SF3A3: variants seen among roughly 807,000 people sequenced by gnomAD.
The protein encoded by SF3A3 is SAP 61.
SF3A3 carries 9 observed loss-of-function variants against 85.8 expected under a neutral mutation model. The observed-to-expected ratio is 0.10, with a 90% CI of 0.06 to 0.18. The LOEUF (loss-of-function observed/expected upper bound fraction) is 0.18. Ranked by LOEUF, SF3A3 falls within the 10% of genes least tolerant of loss-of-function variation. The pLI is 1.00. For missense variants in SF3A3, 306 were observed against 593.3 expected, an observed-to-expected ratio of 0.52 and a Z score of 5.03; for synonymous variants, 195 against 204.4, an observed-to-expected ratio of 0.95 and a Z score of 0.39.
chr1:37,962,993 C>T (rs1646272593), intron 15 of SF3A3, among the ~76,000 whole-genome samples: 1 of 151,284 alleles, frequency 6.6e-6, no homozygotes, highest in Non-Finnish European at 1.5e-5. Context: ...GAGGCTGAGA[C>T]AGGAGAATCG....
chr1:37,989,802 C>G, intron 1 of SF3A3, 68 bp downstream of exon 1: 1 of 1,372,406 alleles, frequency 7.3e-7, no homozygotes, highest in South Asian at 1.2e-5. Flanking sequence ...CCAAAGCAAG[C>G]TCTCAGAGGT....
rs1484786480 is a variant in SF3A3, at chr1:37,989,981, G to C, written c.-16C>G. 1 of 1,596,050 alleles carries C rather than the reference G, an allele frequency of 6.3e-7. No individual in the cohort carries two copies. The highest frequency in any genetic ancestry group is 1.7e-5 in the Admixed American group (1 of 59,964). On this transcript the variant is annotated 5_prime_UTR_variant, in exon 1 of 17. Coordinates refer to ENST00000373019, the MANE Select transcript of SF3A3 (RefSeq NM_006802.4). Reference sequence around the variant, plus strand: ...TTGTCTCCATCTTCCCTTAGTCGCGGCTTCTCAATTCAGACCACCAACACG... The same window carrying C: ...TTGTCTCCATCTTCCCTTAGTCGCGCCTTCTCAATTCAGACCACCAACACG...
chr1:37,987,236 G>C (rs867142475), intron 4 of SF3A3, among the ~76,000 whole-genome samples: 1 of 152,132 alleles, frequency 6.6e-6, no homozygotes, highest in African/African-American at 2.4e-5. Flanking sequence ...ATGCCACCAT[G>C]CCTGGCTAAT....
At chr1:37,980,800 T>C in intron 7 of SF3A3, 76 bp from the exon 8 acceptor site, 7 of 1,113,262 alleles carry the variant, frequency 6.3e-6, no homozygotes, top group Non-Finnish European at 8.8e-6. Flanking sequence ...CTGCAGAATA[T>C]AAAGTACTTA....
intron 16 of SF3A3, among the ~76,000 whole-genome samples, chr1:37,959,371 A>C (rs1646241541): frequency 6.6e-6 from 1 of 151,678 alleles, no homozygotes; most frequent in South Asian, 2.1e-4. Context: ...GAACTGCTGC[A>C]CCTGGCCCAT....
chr1:37,970,502 C>A (rs1261826247), intron 12 of SF3A3, among the ~76,000 whole-genome samples: 1 of 152,060 alleles, frequency 6.6e-6, no homozygotes, highest in Non-Finnish European at 1.5e-5. Flanking sequence ...CTGCACCAAG[C>A]GGACCTAATA....
In SF3A3 at chr1:37,957,723, C is replaced by A. The variant is rs1415736187; in HGVS notation, c.*463G>T. The A allele has an allele frequency of 6.4e-6, 1 of 155,150 alleles. No individual in the cohort carries two copies. Among genetic ancestry groups the A allele is most frequent in the African/African-American group, 2.4e-5 (1 of 41,456 alleles). The allele number at this position is 155,150 out of a possible 1,614,324, so 9.6% of individuals were successfully genotyped here. A position where few individuals can be genotyped will look rare whatever the true frequency, so the allele number is the denominator to read the frequency against. ...CCCTGGCTCATCCTCCTAGTCTTTC[C>A]CTAGTATTTGCATCAATGGCTAACT... On this transcript the variant is annotated 3_prime_UTR_variant, in exon 17 of 17. Coordinates refer to ENST00000373019, the MANE Select transcript of SF3A3 (RefSeq NM_006802.4).
chr1:37,969,575 C>A lies in SF3A3; in HGVS notation c.1166G>T (p.Gly389Val). The change falls in exon 13 of 17, where the codon GGC becomes GTC. Residue 389 changes from glycine (G) to valine (V), a missense_variant. Around this residue, in one of 4 missense-constraint regions of SF3A3, gnomAD observed 136 missense variants for 296.6 expected, o/e 0.46. Transcript: ENST00000373019. ...NPKNLPLGWDGKPIPYWLYKL... is the reference protein window; with the variant it reads ...NPKNLPLGWDVKPIPYWLYKL... Reference sequence around the variant, plus strand: ...AGTGGTAGTGCTGAGACTTACTTTGCCATCCCAGCCAAGTGGCAGGTTTTT... The same window carrying A: ...AGTGGTAGTGCTGAGACTTACTTTGACATCCCAGCCAAGTGGCAGGTTTTT... The A allele has an allele frequency of 6.2e-7, 1 of 1,614,192 alleles. No homozygotes were observed. The highest frequency in any genetic ancestry group is 8.5e-7 in the Non-Finnish European group (1 of 1,180,036).
intron 14 of SF3A3, among the ~76,000 whole-genome samples, 165 bp downstream of exon 14, chr1:37,969,189 T>C (rs1311048073): frequency 6.6e-6 from 1 of 152,192 alleles, no homozygotes; most frequent in Non-Finnish European, 1.5e-5. Context: ...AAGACTAACA[T>C]TGGTGCCAAA....
chr1:37,975,515 CAA>C (rs35993262), intron 12 of SF3A3, among the ~76,000 whole-genome samples: 2 of 145,364 alleles, frequency 1.4e-5, no homozygotes, highest in Non-Finnish European at 1.5e-5. Flanking sequence ...GATACTATTT[CAA>C]AAAAAAAAAA....
chr1:37,972,955 T>C (rs1419974926), intron 12 of SF3A3, among the ~76,000 whole-genome samples: 2 of 152,048 alleles, frequency 1.3e-5, no homozygotes, highest in African/African-American at 2.4e-5. Context: ...CCAAGGTGGG[T>C]GGATCACCTG....
chr1:37,961,771 AAAAAAAAAAAAAG>A (rs1275428762), intron 15 of SF3A3, among the ~76,000 whole-genome samples: 4 of 144,832 alleles, frequency 2.8e-5, no homozygotes, highest in African/African-American at 7.9e-5. Context: ...AAAAAAAAAA[AAAAAAAAAAAAAG>A]AAAGAAAGAA....
At position 37,969,700 on chromosome 1, in the gene SF3A3, G is replaced by A. The variant is rs1646325343; in HGVS notation, c.1041C>T (p.Arg347=). The change falls in exon 13 of 17, where the codon CGC becomes CGT. Residue 347 remains arginine (R), a synonymous_variant. Transcript: ENST00000373019. ...QRHLTHENVQ[R]KQARTGEERE... is the part of the protein sequence containing the mutation. ...GCTCTTCTCCTGTCCTGGCTTGCTTGCGCTGTACATTTTCATGAGTGAGAT... is the reference window on the plus strand; with the variant it reads ...GCTCTTCTCCTGTCCTGGCTTGCTTACGCTGTACATTTTCATGAGTGAGAT... The A allele has an allele frequency of 1.9e-6, 3 of 1,613,974 alleles. No homozygotes were observed. The highest frequency in any genetic ancestry group is 2.7e-5 in the African/African-American group (2 of 74,884).
chr1:37,962,603 CAAA>C lies in SF3A3; in HGVS notation c.1373-2431_1373-2429del, dbSNP rs10562404. ...GGGCAACAAGAGCGAAACTCCATCT[CAAA>C]AAAAAAAAAAAAAAAAAAGAATATT... On this transcript the variant is annotated intron_variant, in intron 15 of 16. Coordinates refer to ENST00000373019, the MANE Select transcript of SF3A3 (RefSeq NM_006802.4). 5.5e-3 allele frequency among the ~76,000 whole-genome samples: 440 copies of C among 80,272 alleles called. 3 individuals are homozygous for C. Among genetic ancestry groups the C allele is most frequent in the African/African-American group, 0.019 (333 of 17,734 alleles). 52.7% of individuals were successfully genotyped at this position (80,272 alleles called of 152,430 possible). A position where few individuals can be genotyped will look rare whatever the true frequency, so the allele number is the denominator to read the frequency against.
At chr1:37,989,424 G>A in intron 2 of SF3A3, 124 bp downstream of exon 2, 1 of 980,772 alleles carries the variant, frequency 1.0e-6, no homozygotes, top group East Asian at 2.6e-5. Context: ...TCCAGGCAGA[G>A]AGCCCGCGAC....
At chr1:37,967,009 G>C (rs1056064562) in intron 15 of SF3A3, among the ~76,000 whole-genome samples, 42 of 138,538 alleles carry the variant, frequency 3.0e-4, no homozygotes, top group Non-Finnish European at 5.5e-4. Flanking sequence ...CAGCACTTTG[G>C]GAGGCCAACA....
intron 15 of SF3A3, among the ~76,000 whole-genome samples, chr1:37,967,507 G>C (rs1348105269): frequency 6.6e-6 from 1 of 151,496 alleles, no homozygotes; most frequent in Non-Finnish European, 1.5e-5. Flanking sequence ...GTGAAACCCT[G>C]TCTCTACTAA....
chr1:37,974,136 C>T (rs191018503), intron 12 of SF3A3, among the ~76,000 whole-genome samples: 8 of 151,852 alleles, frequency 5.3e-5, no homozygotes, highest in Admixed American at 6.6e-5. Flanking sequence ...ATGTAAATGA[C>T]GAGTTAACGG....
intron 2 of SF3A3, among the ~76,000 whole-genome samples, chr1:37,988,557 A>T (rs761236159): frequency 2.2e-4 from 33 of 152,186 alleles, no homozygotes; most frequent in African/African-American, 3.6e-4. Context: ...ATAATCACCC[A>T]AGGGGAAAAA....
Sources: allele counts gnomAD v4.1 joint callset (sites outside exome capture counted in the v4.1 genomes callset), GRCh38; gene constraint gnomAD v4.1.1; regional missense constraint gnomAD v4.1.1; transcripts MANE v1.5; gene names NCBI Gene and HGNC (gene_info 2026-07-23, HGNC 2026-07-21).